Variants in POLD3 observed in about 807,000 individuals in gnomAD.
POLD3 encodes the protein DNA polymerase delta 3, accessory subunit.
POLD3 carries 19 observed loss-of-function variants against 58.2 expected under a neutral mutation model. The observed-to-expected ratio is 0.33, with a 90% CI of 0.23 to 0.48. The LOEUF is 0.48. POLD3 is among the 20% of genes least tolerant of loss of function. The pLI is 0.99. For synonymous variants in POLD3, 172 were observed against 193.5 expected (o/e 0.89, Z 0.92); for missense variants, 504 against 545.5 (o/e 0.92, Z 0.76).
At chr11:74,625,871 T>TTTTGTGTG (rs142784051) in intron 8 of POLD3, among the ~76,000 whole-genome samples, 6 of 143,574 alleles carry the variant, frequency 4.2e-5, no homozygotes, top group African/African-American at 1.5e-4. Flanking sequence ...GTGTGCCTAG[T>TTTTGTGTG]TGTGTGTGTG....
intron 2 of POLD3, among the ~76,000 whole-genome samples, chr11:74,595,819 T>C (rs1214521226): frequency 6.6e-6 from 1 of 152,212 alleles, no homozygotes; most frequent in Non-Finnish European, 1.5e-5. Context: ...AGTCCCGCCA[T>C]GTTTCCCATG....
In POLD3 at chr11:74,620,086, A is replaced by G; in HGVS notation, c.730A>G (p.Met244Val). The G allele has an allele frequency of 6.2e-7, 1 of 1,600,306 alleles. No individual in the cohort carries two copies. The highest frequency in any genetic ancestry group is 8.6e-7 in the Non-Finnish European group (1 of 1,167,406). ...MMSNFFGKAA[M>V]NKFKVNLDSE... ...GAGCAACTTTTTTGGAAAAGCTGCT[A>G]TGAGTAAGCATGTTCTTACCTCACT... The change falls in exon 7 of 12, where the codon ATG (methionine) becomes GTG (valine). Residue 244 changes from methionine to valine, a missense_variant. Around this residue, in one of 2 missense-constraint regions of POLD3, gnomAD observed 385 missense variants for 370.5 expected, o/e 1.04. Coordinates refer to ENST00000263681, the MANE Select transcript of POLD3 (RefSeq NM_006591.3).
chr11:74,663,075 C>T (rs765998315), intron 4 of POLD3, among the ~76,000 whole-genome samples: 1 of 152,176 alleles, frequency 6.6e-6, no homozygotes, highest in Non-Finnish European at 1.5e-5. Context: ...GAAGTTAAAA[C>T]CAGGTACTGT....
chr11:74,663,139 T>C (rs1041729714), intron 4 of POLD3, among the ~76,000 whole-genome samples: 3 of 152,218 alleles, frequency 2.0e-5, no homozygotes, highest in Non-Finnish European at 4.4e-5. Context: ...ATGTAAATAG[T>C]TGTTAAAATT....
intron 5 of POLD3, among the ~76,000 whole-genome samples, chr11:74,615,588 AAAG>A (rs2032058251): frequency 6.6e-6 from 1 of 152,222 alleles, no homozygotes; most frequent in African/African-American, 2.4e-5. Context: ...GCAAAGCAGA[AAAG>A]AGGGTGGTAG....
chr11:74,604,543 C>A, intron 2 of POLD3, 149 bp from the exon 3 acceptor site: 7 of 523,008 alleles, frequency 1.3e-5, no homozygotes, highest in Non-Finnish European at 2.1e-5. Context: ...TTTTTTTTTT[C>A]AACTGTCCAT....
In POLD3 at chr11:74,640,580, C is replaced by T. The variant is rs761500013; in HGVS notation, c.1215C>T (p.Tyr405=). ...TCCTACCAGTGACTGAAAAAGTCTA[C>T]GAGAGTGAATCCTGCACAGATAGTG... ...GEGCIVTEKV[Y]ESESCTDSEE... The change falls in exon 12 of 12, where the codon TAC becomes TAT. Residue 405 remains tyrosine, a synonymous_variant. Coordinates refer to ENST00000263681, the MANE Select transcript of POLD3 (RefSeq NM_006591.3). 5 of 1,552,130 alleles carry T rather than the reference C, an allele frequency of 3.2e-6. No homozygotes were observed. Among genetic ancestry groups the T allele is most frequent in the East Asian group, 4.7e-5 (2 of 42,572 alleles).
rs117964486 is a variant in POLD3, at chr11:74,633,796, C to T, written c.1007-787C>T. Among the ~76,000 whole-genome samples, 1,247 of 152,262 alleles carry T rather than the reference C, an allele frequency of 8.2e-3. 8 individuals are homozygous for T. Among genetic ancestry groups the T allele is most frequent in the Non-Finnish European group, 0.013 (871 of 68,028 alleles). Reference sequence around the variant, plus strand: ...CCTAAAAGTGTTCTTTCCTGTTAACCTCACTGTAGCAGAACAAACCTTATC... The same window carrying T: ...CCTAAAAGTGTTCTTTCCTGTTAACTTCACTGTAGCAGAACAAACCTTATC... On this transcript the variant is annotated intron_variant, in intron 9 of 11. Transcript: ENST00000263681.
At chr11:74,649,892 G>A (rs903365134) in intron 4 of POLD3, among the ~76,000 whole-genome samples, 1 of 152,078 alleles carries the variant, frequency 6.6e-6, no homozygotes, top group African/African-American at 2.4e-5. Context: ...AAGTACTCTG[G>A]CTGCAGTTGG....
intron 2 of POLD3, chr11:74,595,303 A>G (rs1237147623): frequency 6.7e-6 from 1 of 148,908 alleles, no homozygotes; most frequent in Non-Finnish European, 1.5e-5. Flanking sequence ...AAAACTTTTT[A>G]TTATGTCTTA....
intron 3 of POLD3, among the ~76,000 whole-genome samples, chr11:74,609,647 C>T (rs1444081955): frequency 6.6e-6 from 1 of 151,714 alleles, no homozygotes; most frequent in Non-Finnish European, 1.5e-5. Context: ...TCCCAAAGTG[C>T]TGAGATTACA....
chr11:74,623,440 A>G (rs1289641409), intron 7 of POLD3, among the ~76,000 whole-genome samples: 1 of 152,148 alleles, frequency 6.6e-6, no homozygotes, highest in Non-Finnish European at 1.5e-5. Context: ...GTCTCAAAAA[A>G]TATATAAATA....
chr11:74,617,002 G>C (rs2032099810), intron 5 of POLD3, among the ~76,000 whole-genome samples: 1 of 152,168 alleles, frequency 6.6e-6, no homozygotes, highest in Non-Finnish European at 1.5e-5. Context: ...GCCAGGTCTT[G>C]AGCTGGGTGC....
Position 74,592,657 on chromosome 11 carries a change from C to T in POLD3, c.-2C>T. Reference sequence around the variant, plus strand: ...AGAGGCGGGTCCCAGCGCTGCCGCACCATGGCGGACCAGCTTTATCTGGAA... The same window carrying T: ...AGAGGCGGGTCCCAGCGCTGCCGCATCATGGCGGACCAGCTTTATCTGGAA... On this transcript the variant is annotated 5_prime_UTR_variant, in exon 1 of 12. Coordinates refer to ENST00000263681, the MANE Select transcript of POLD3 (RefSeq NM_006591.3). 3 of 1,611,844 alleles carry T rather than the reference C, an allele frequency of 1.9e-6. No individual in the cohort carries two copies. Among genetic ancestry groups the T allele is most frequent in the Non-Finnish European group, 1.7e-6 (2 of 1,178,924 alleles).
At position 74,640,600 on chromosome 11, in the gene POLD3, A is replaced by T; in HGVS notation, c.1235A>T (p.Asp412Val). ...GTCTACGAGAGTGAATCCTGCACAG[A>T]TAGTGAAGAGGAGCTTAACATGAAG... ...EKVYESESCT[D>V]SEEELNMKTS... is the part of the protein sequence containing the mutation. Residue 412 changes from aspartate (D) to valine (V), a missense_variant, in exon 12 of 12, where the codon GAT (aspartate) becomes GTT (valine). Transcript: ENST00000263681. 6.2e-7 allele frequency: 1 copy of T among 1,600,948 alleles called. No individual in the cohort carries two copies. Among genetic ancestry groups the T allele is most frequent in the East Asian group, 2.2e-5 (1 of 44,540 alleles).
chr11:74,594,493 C>T (rs1237038911), intron 2 of POLD3, among the ~76,000 whole-genome samples: 2 of 152,154 alleles, frequency 1.3e-5, no homozygotes, highest in Non-Finnish European at 2.9e-5. Flanking sequence ...ATGATTCAGT[C>T]TGTAATATGG....
In POLD3 at chr11:74,628,200, A is replaced by G. The variant is rs1591311596; in HGVS notation, c.900-1017A>G. On this transcript the variant is annotated intron_variant, in intron 8 of 11. Transcript: ENST00000263681. ...TTTGTAGAACCTGTACTCGATACAG[A>G]TTTCTTTACTGTTTCATTCCTGATT... is the stretch of plus-strand genomic sequence containing the variant. Among the ~76,000 whole-genome samples the G allele has an allele frequency of 2.0e-5, 3 of 152,070 alleles. No homozygotes were observed. The East Asian group carries it at 5.8e-4, about 29-fold the overall frequency.
intron 3 of POLD3, among the ~76,000 whole-genome samples, chr11:74,607,238 TA>T (rs2031710750): frequency 1.1e-5 from 1 of 91,658 alleles, no homozygotes; most frequent in African/African-American, 7.1e-5. Context: ...TTATTATTAT[TA>T]TTATATATTT....
At chr11:74,602,465 C>T (rs1309822214) in intron 2 of POLD3, among the ~76,000 whole-genome samples, 1 of 152,146 alleles carries the variant, frequency 6.6e-6, no homozygotes, top group East Asian at 1.9e-4. Context: ...ACTCTTCTTT[C>T]TCTTACACTT....
Sources: gnomAD v4.1 joint callset for allele counts (sites outside exome capture counted in the v4.1 genomes callset) on GRCh38, gnomAD v4.1.1 for gene constraint, gnomAD v4.1.1 regional missense constraint, MANE v1.5 for transcripts, NCBI Gene and HGNC (gene_info 2026-07-23, HGNC 2026-07-21) for gene names.